The following OR8G5 variants were observed in gnomAD, a reference collection of about 807,000 sequenced individuals.
OR8G5 encodes olfactory receptor family 8 subfamily G member 5.
For missense variants in OR8G5, 347 were observed against 371.9 expected (o/e 0.93, Z 0.55); for synonymous variants, 147 against 147.7 (o/e 1.00, Z 0.03).
Position 124,264,991 on chromosome 11 carries a change from G to A in OR8G5, c.60G>A (p.Lys20=), listed in dbSNP as rs867126448. The A allele has an allele frequency of 5.6e-6, 9 of 1,613,840 alleles. No individual in the cohort carries two copies. The Admixed American group carries it at 6.7e-5, about 12-fold the overall frequency. The change falls in exon 2 of 2, where the codon AAG becomes AAA. Residue 20 remains lysine, a synonymous_variant. Coordinates refer to ENST00000641992, the MANE Select transcript of OR8G5 (RefSeq NM_001005198.2). ...TKFILVGLTE[K]SELQLPLFLV... ...TTATTCTGGTTGGGCTAACAGAGAA[G>A]TCAGAGCTACAGCTGCCCCTCTTCC...
chr11:124,259,902 T>C (rs2137757744), intron 1 of OR8G5, among the ~76,000 whole-genome samples: 1 of 152,198 alleles, frequency 6.6e-6, no homozygotes, highest in East Asian at 1.9e-4. Flanking sequence ...TTAGTGTTAA[T>C]ATAAAATTAT....
Position 124,265,056 on chromosome 11 carries a change from A to G in OR8G5, c.125A>G (p.Asn42Ser), listed in dbSNP as rs897085244. 6.2e-7 allele frequency: 1 copy of G among 1,614,078 alleles called. No individual in the cohort carries two copies. Among genetic ancestry groups the G allele is most frequent in the Non-Finnish European group, 8.5e-7 (1 of 1,180,010 alleles). The stretch of plus-strand genomic sequence containing the variant: ...ATCTATGTAGTCACAGTGCTGGGGA[A>G]CCTGGGCATGATCACACTGATTGGG... ...LGIYVVTVLG[N>S]LGMITLIGLS... Residue 42 changes from asparagine to serine, a missense_variant, in exon 2 of 2, where the codon AAC becomes AGC. By Grantham distance (46) the Asn-to-Ser change is conservative (BLOSUM62 1). Transcript: ENST00000641992.
chr11:124,261,640 A>T (rs890636358), intron 1 of OR8G5, among the ~76,000 whole-genome samples: 3 of 151,940 alleles, frequency 2.0e-5, no homozygotes, highest in Admixed American at 2.0e-4. Context: ...CAAAAATATC[A>T]CTGTGCATAT....
chr11:124,265,557 TC>T lies in OR8G5; in HGVS notation c.630del (p.Ser211AlafsTer2). On this transcript the variant is annotated frameshift_variant, in exon 2 of 2. Coordinates refer to ENST00000641992, the MANE Select transcript of OR8G5 (RefSeq NM_001005198.2). LOFTEE classifies it low-confidence loss of function (END_TRUNC). ...ATCTTTAGTGGAATTAACATCCTTG[TC>T]CCCAGCCTGACCATCCTCAGCTCTT... ...ILIFSGINIL[V>X]PSLTILSSYI... is the part of the protein sequence containing the mutation. 1 of 1,613,914 alleles carries T rather than the reference TC, an allele frequency of 6.2e-7. No homozygotes were observed. The highest frequency in any genetic ancestry group is 8.5e-7 in the Non-Finnish European group (1 of 1,179,848).
intron 1 of OR8G5, among the ~76,000 whole-genome samples, chr11:124,263,633 A>G (rs1861997493): frequency 6.6e-6 from 1 of 151,738 alleles, no homozygotes; most frequent in South Asian, 2.1e-4. Flanking sequence ...TTTGCTGAGA[A>G]TGATGGTTTC....
At chr11:124,259,373 A>G (rs1861943509) in intron 1 of OR8G5, among the ~76,000 whole-genome samples, 1 of 152,188 alleles carries the variant, frequency 6.6e-6, no homozygotes, top group African/African-American at 2.4e-5. Flanking sequence ...CTAGAATACA[A>G]CTATCAATTA....
Position 124,266,093 on chromosome 11 carries a change from A to G in OR8G5, c.*226A>G, listed in dbSNP as rs2466700. 0.51 allele frequency: 268,363 copies of G among 529,294 alleles called. 70,478 individuals carry two copies. The highest frequency in any genetic ancestry group is 0.57 in the East Asian group (16,304 of 28,804). 32.8% of individuals were successfully genotyped at this position (529,294 alleles called of 1,614,324 possible). ...ATATTTTCTTAGAAGAAATAATAAG[A>G]TTGACATAGTGAAATAGTGGCATAA... On this transcript the variant is annotated 3_prime_UTR_variant, in exon 2 of 2. Transcript: ENST00000641992.
At position 124,265,798 on chromosome 11, in the gene OR8G5, C is replaced by A. The variant is rs201086595; in HGVS notation, c.867C>A (p.Ile289=). ...TTGTGCCCATGCTGAACCCCCTGAT[C>A]TACAGCCTGAGGAATAAAGATGTCC... ...TIVVPMLNPL[I]YSLRNKDVHV... The change falls in exon 2 of 2, where the codon ATC becomes ATA. Residue 289 remains isoleucine (I), a synonymous_variant. Coordinates refer to ENST00000641992, the MANE Select transcript of OR8G5 (RefSeq NM_001005198.2). The A allele has an allele frequency of 3.9e-5, 62 of 1,606,440 alleles. No homozygotes were observed. Among genetic ancestry groups the A allele is most frequent in the Non-Finnish European group, 5.1e-5 (60 of 1,177,124 alleles).
chr11:124,259,866 C>A (rs1292175321), intron 1 of OR8G5, among the ~76,000 whole-genome samples: 6 of 152,012 alleles, frequency 3.9e-5, no homozygotes, highest in Non-Finnish European at 5.9e-5. Context: ...GTGTCTATAG[C>A]ACATTCACAC....
Position 124,264,905 on chromosome 11 carries a change from C to G in OR8G5, c.-14-13C>G. On this transcript the variant is annotated splice_polypyrimidine_tract_variant and intron_variant, in intron 1 of 1. Coordinates refer to ENST00000641992, the MANE Select transcript of OR8G5 (RefSeq NM_001005198.2). Reference sequence around the variant, plus strand: ...AATTCACCTAAATACCATGTTTTTTCTCTCCCCTGCAGAAACTCATCAAAG... The same window carrying G: ...AATTCACCTAAATACCATGTTTTTTGTCTCCCCTGCAGAAACTCATCAAAG... 6.2e-7 allele frequency: 1 copy of G among 1,611,990 alleles called. No homozygotes were observed. The highest frequency in any genetic ancestry group is 8.5e-7 in the Non-Finnish European group (1 of 1,178,580).
intron 1 of OR8G5, among the ~76,000 whole-genome samples, chr11:124,261,511 G>T (rs1432860169): frequency 6.6e-6 from 1 of 151,820 alleles, no homozygotes; most frequent in African/African-American, 2.4e-5. Flanking sequence ...ATAAAGTTCT[G>T]CATTCCATAG....
chr11:124,264,054 C>G (rs1239158653), intron 1 of OR8G5, among the ~76,000 whole-genome samples: 1 of 152,128 alleles, frequency 6.6e-6, no homozygotes, highest in African/African-American at 2.4e-5. Context: ...TTACTATCTT[C>G]CCATTTTTAC....
At chr11:124,262,358 A>G (rs894525982) in intron 1 of OR8G5, among the ~76,000 whole-genome samples, 2 of 150,790 alleles carry the variant, frequency 1.3e-5, no homozygotes, top group African/African-American at 2.5e-5. Flanking sequence ...TATGAAAAAC[A>G]TAATGTAAAA....
At chr11:124,263,594 C>T (rs191220072) in intron 1 of OR8G5, among the ~76,000 whole-genome samples, 2,149 of 147,646 alleles carry the variant, frequency 0.015, 21 homozygotes, top group Middle Eastern at 0.042. Context: ...TGAGAACATG[C>T]AGTGTTTGGT....
At chr11:124,259,483 C>T (rs535235663) in intron 1 of OR8G5, among the ~76,000 whole-genome samples, 2 of 152,142 alleles carry the variant, frequency 1.3e-5, no homozygotes, top group South Asian at 4.2e-4. Flanking sequence ...CTACAAATAG[C>T]AATATGAACA....
chr11:124,258,223 C>T (rs1194529978), intron 1 of OR8G5, among the ~76,000 whole-genome samples: 1 of 152,080 alleles, frequency 6.6e-6, no homozygotes, highest in Admixed American at 6.6e-5. Context: ...CTCTTCACAG[C>T]TTCTATACAA....
intron 1 of OR8G5, among the ~76,000 whole-genome samples, chr11:124,261,425 A>T (rs893862266): frequency 6.6e-6 from 1 of 152,030 alleles, no homozygotes; most frequent in African/African-American, 2.4e-5. Flanking sequence ...AACCAAAAAA[A>T]TATTGTGATA....
intron 1 of OR8G5, among the ~76,000 whole-genome samples, chr11:124,262,072 T>C (rs1162970052): frequency 6.6e-6 from 1 of 151,730 alleles, no homozygotes; most frequent in Non-Finnish European, 1.5e-5. Flanking sequence ...AAATGGAAGA[T>C]GTTGATTAAG....
chr11:124,257,959 T>C (rs1325610649), intron 1 of OR8G5, among the ~76,000 whole-genome samples: 1 of 152,124 alleles, frequency 6.6e-6, no homozygotes, highest in African/African-American at 2.4e-5. Flanking sequence ...ATCACCTCTC[T>C]TCTCTCTTAG....
Sources: gnomAD v4.1 joint callset for allele counts (sites outside exome capture counted in the v4.1 genomes callset) on GRCh38, gnomAD v4.1.1 for gene constraint, MANE v1.5 for transcripts, NCBI Gene and HGNC (gene_info 2026-07-23, HGNC 2026-07-21) for gene names.